The following AKAP13 variants were observed in gnomAD, a reference collection of about 807,000 sequenced individuals.
AKAP13 encodes the protein A-kinase anchoring protein 13.
A neutral mutation model predicts 264.5 loss-of-function variants in AKAP13; 80 were observed. That is an observed-to-expected ratio of 0.30 (90% CI 0.25 to 0.36). The LOEUF (loss-of-function observed/expected upper bound fraction) is 0.36, where lower values mean the gene tolerates loss of function less well. AKAP13 is among the 10% of genes least tolerant of loss of function. The pLI, the probability that AKAP13 is intolerant of heterozygous loss-of-function variation, is 1.00. For missense variants in AKAP13, 3,712 were observed against 3,435.2 expected (o/e 1.08, Z -2.01); for synonymous variants, 1,380 against 1,250.2 (o/e 1.10, Z -2.19).
chr15:85,736,497 C>T (rs1419552287), intron 33 of AKAP13, among the ~76,000 whole-genome samples: 4 of 152,186 alleles, frequency 2.6e-5, no homozygotes, highest in African/African-American at 9.7e-5. Context: ...CAACCTCTAC[C>T]TCCCAGGCTC....
In AKAP13 at chr15:85,727,531, A is replaced by G. The variant is rs959500396; in HGVS notation, c.7087+68A>G. The G allele has an allele frequency of 5.1e-6, 8 of 1,567,544 alleles. No individual in the cohort carries two copies. Among genetic ancestry groups the G allele is most frequent in the Non-Finnish European group, 7.0e-6 (8 of 1,142,028 alleles). Reference sequence around the variant, plus strand: ...TGCAGTTGCAGAAGACTGCTGGTGGATTTTAGAGGTACGGGTTTGCCCTCA... The same window carrying G: ...TGCAGTTGCAGAAGACTGCTGGTGGGTTTTAGAGGTACGGGTTTGCCCTCA... On this transcript the variant is annotated intron_variant, in intron 29 of 36. Transcript: ENST00000394518. This position sits in a 1 kb window ranked among gnomAD's most constrained non-coding sequence, Gnocchi z 5.3.
intron 11 of AKAP13, 23 bp from the exon 12 acceptor site, chr15:85,658,514 A>G (rs778684347): frequency 1.8e-5 from 29 of 1,612,470 alleles, no homozygotes; most frequent in Non-Finnish European, 2.3e-5. Flanking sequence ...TGCAACACTG[A>G]CCTCTTCACC....
intron 35 of AKAP13, among the ~76,000 whole-genome samples, chr15:85,741,877 T>G (rs1420871170): frequency 2.0e-5 from 3 of 152,082 alleles, no homozygotes; most frequent in Non-Finnish European, 1.5e-5. Flanking sequence ...AAACGGCGTC[T>G]CTACTAAAAA....
intron 33 of AKAP13, among the ~76,000 whole-genome samples, chr15:85,738,521 A>G (rs2088707821): frequency 6.6e-6 from 1 of 152,124 alleles, no homozygotes; most frequent in African/African-American, 2.4e-5. Flanking sequence ...AAGTAACATA[A>G]GTTACTTGAT....
chr15:85,726,288 T>C (rs546125424), intron 26 of AKAP13, 122 bp from the exon 27 acceptor site: 1 of 647,508 alleles, frequency 1.5e-6, no homozygotes, highest in African/African-American at 1.8e-5. Flanking sequence ...TCTCAGATCA[T>C]AGTTTGCCCG....
At chr15:85,526,276 T>C (rs558077969) in intron 3 of AKAP13, among the ~76,000 whole-genome samples, 1 of 152,342 alleles carries the variant, frequency 6.6e-6, no homozygotes, top group African/African-American at 2.4e-5. Flanking sequence ...TTGTTTTGTT[T>C]TGAGACAGAG....
chr15:85,484,290 A>T (rs576590397), intron 1 of AKAP13, among the ~76,000 whole-genome samples: 3 of 152,238 alleles, frequency 2.0e-5, no homozygotes, highest in Admixed American at 6.5e-5. Context: ...TTCTTCTAAA[A>T]ATGTTGGTTG....
Position 85,743,672 on chromosome 15 carries a change from C to G in AKAP13, c.8239C>G (p.Leu2747Val). 6.2e-7 allele frequency: 1 copy of G among 1,614,178 alleles called. No individual in the cohort carries two copies. The highest frequency in any genetic ancestry group is 1.3e-5 in the African/African-American group (1 of 75,014). The change falls in exon 36 of 37, where the codon CTG (leucine) becomes GTG (valine). Residue 2747 changes from leucine to valine, a missense_variant. Leu to Val is a conservative substitution (Grantham distance 32, BLOSUM62 1). Coordinates refer to ENST00000394518, the MANE Select transcript of AKAP13 (RefSeq NM_007200.5). Reference sequence around the variant, plus strand: ...CAAAGATAAGGGGCCTTTTCACATACTGAGTTCAACCAGCCAGACAAACAA... The same window carrying G: ...CAAAGATAAGGGGCCTTTTCACATAGTGAGTTCAACCAGCCAGACAAACAA... ...THKDKGPFHILSSTSQTNKGP... is the reference protein window; with the variant it reads ...THKDKGPFHIVSSTSQTNKGP...
Position 85,581,823 on chromosome 15 carries a change from C to T in AKAP13, c.3755C>T (p.Ala1252Val). 6.2e-7 allele frequency: 1 copy of T among 1,614,148 alleles called. No homozygotes were observed. The highest frequency in any genetic ancestry group is 8.5e-7 in the Non-Finnish European group (1 of 1,180,012). ...PKGADLIEEA[A>V]SRIVDAVIEQ... The stretch of plus-strand genomic sequence containing the variant: ...GGGGCAGACTTGATAGAGGAGGCTG[C>T]CAGCCGTATAGTGGATGCTGTCATC... The change falls in exon 7 of 37, where the codon GCC (alanine) becomes GTC (valine). Residue 1252 changes from alanine to valine, a missense_variant. Transcript: ENST00000394518.
At chr15:85,404,516 C>T (rs1319254441) in intron 1 of AKAP13, among the ~76,000 whole-genome samples, 1 of 152,206 alleles carries the variant, frequency 6.6e-6, no homozygotes, top group Admixed American at 6.5e-5. Flanking sequence ...TAGGGACACA[C>T]AAAATGTTCC....
intron 36 of AKAP13, 91 bp downstream of exon 36, chr15:85,743,916 AGG>A: frequency 7.0e-7 from 1 of 1,424,754 alleles, no homozygotes; most frequent in Non-Finnish European, 9.3e-7. Context: ...GGGGTTGAAA[AGG>A]GGACAGTTCA....
chr15:85,702,346 A>G (rs957103395), intron 17 of AKAP13: 2 of 152,132 alleles, frequency 1.3e-5, no homozygotes, highest in Non-Finnish European at 2.9e-5. Context: ...TAATGGGCTG[A>G]TTATCTTCAG....
chr15:85,571,748 A>C (rs1325013227), intron 5 of AKAP13, among the ~76,000 whole-genome samples: 1 of 152,248 alleles, frequency 6.6e-6, no homozygotes, highest in African/African-American at 2.4e-5. Context: ...AGTGCCTGGC[A>C]CATACATACT....
chr15:85,383,629 G>C (rs1215993414), intron 1 of AKAP13, among the ~76,000 whole-genome samples: 2 of 152,194 alleles, frequency 1.3e-5, no homozygotes, highest in African/African-American at 4.8e-5. Context: ...ATGAACTGAA[G>C]GATAATGGAA....
intron 5 of AKAP13, among the ~76,000 whole-genome samples, chr15:85,569,343 G>C (rs1214736514): frequency 1.3e-5 from 2 of 152,136 alleles, no homozygotes; most frequent in African/African-American, 4.8e-5. Flanking sequence ...TCTAGGAGAT[G>C]AGGAAGAGGA....
chr15:85,716,203 A>AT (rs1377448286), intron 20 of AKAP13, among the ~76,000 whole-genome samples: 1 of 152,100 alleles, frequency 6.6e-6, no homozygotes, highest in Non-Finnish European at 1.5e-5. Context: ...TAAAAAGATG[A>AT]TTTTTTAGAT....
chr15:85,569,373 G>A (rs895114819), intron 5 of AKAP13, among the ~76,000 whole-genome samples: 2 of 151,788 alleles, frequency 1.3e-5, no homozygotes, highest in East Asian at 3.9e-4. Flanking sequence ...AACAGTAGAT[G>A]TATAGGATGG....
In AKAP13 at chr15:85,585,796, G is replaced by A; in HGVS notation, c.4134G>A (p.Lys1378=). 6.2e-7 allele frequency: 1 copy of A among 1,614,108 alleles called. No homozygotes were observed. The highest frequency in any genetic ancestry group is 1.1e-5 in the South Asian group (1 of 91,082). Residue 1378 remains lysine, a synonymous_variant, in exon 8 of 37, where the codon AAG becomes AAA. Transcript: ENST00000394518. ...TAGGGAGCATAGCTGCTACACTGAA[G>A]ATGAAGCAAGGCCCAATGACCCAGG... The part of the protein sequence containing the change: ...VAVGSIAATL[K]MKQGPMTQAI...
At chr15:85,512,829 GTATGTAT>G (rs2076478463) in intron 2 of AKAP13, among the ~76,000 whole-genome samples, 3 of 79,842 alleles carry the variant, frequency 3.8e-5, no homozygotes, top group African/African-American at 8.7e-5. Context: ...ATGTATGTAT[GTATGTAT>G]GTATGTATGT....
Sources: allele counts gnomAD v4.1 joint callset (sites outside exome capture counted in the v4.1 genomes callset), GRCh38; gene constraint gnomAD v4.1.1; non-coding constraint Gnocchi (gnomAD v3.1); transcripts MANE v1.5; gene names NCBI Gene and HGNC (gene_info 2026-07-23, HGNC 2026-07-21).